Variants in MPZL2 observed in about 807,000 individuals in gnomAD.
MPZL2 encodes myelin protein zero like 2, also known as myelin protein zero-like protein 2.
Under a neutral mutation model 24.5 loss-of-function variants are expected in MPZL2, and 32 were observed. That is an observed-to-expected ratio of 1.31 (90% CI 0.99 to 1.76). The LOEUF (loss-of-function observed/expected upper bound fraction) is 1.76. Ranked by LOEUF, MPZL2 falls within the 40% of genes most tolerant of loss-of-function variation. MPZL2 has a pLI of 0.00. For synonymous variants in MPZL2, 92 were observed against 97.9 expected (o/e 0.94, Z 0.36); for missense variants, 304 against 274.9 (o/e 1.11, Z -0.75).
At chr11:118,259,010 AT>A (rs139129059) in intron 4 of MPZL2, among the ~76,000 whole-genome samples, 20,365 of 132,018 alleles carry the variant, frequency 0.15, 4,266 homozygotes, top group African/African-American at 0.5. Context: ...CACGGTTATG[AT>A]TAAAAAAAAA....
At chr11:118,260,518 C>A (rs917931639) in intron 3 of MPZL2, among the ~76,000 whole-genome samples, 1 of 152,168 alleles carries the variant, frequency 6.6e-6, no homozygotes, top group African/African-American at 2.4e-5. Flanking sequence ...CTTAACAGGT[C>A]CTCCAGGTGA....
In MPZL2 at chr11:118,262,351, C is replaced by T. The variant is rs1949705520; in HGVS notation, c.436+87G>A. On this transcript the variant is annotated intron_variant, in intron 3 of 5. Coordinates refer to ENST00000278937, the MANE Select transcript of MPZL2 (RefSeq NM_005797.4). ...TCTCTATCCATCACAAAAGATTGTCCCTCTCTCTCAGCCTTAACAAAGATT... is the reference window on the plus strand; with the variant it reads ...TCTCTATCCATCACAAAAGATTGTCTCTCTCTCTCAGCCTTAACAAAGATT... 2.2e-6 allele frequency: 3 copies of T among 1,365,578 alleles called. No individual in the cohort carries two copies. The Admixed American group carries it at 5.4e-5, about 25-fold the overall frequency. 84.6% of individuals were successfully genotyped at this position (1,365,578 alleles called of 1,614,324 possible). A position where few individuals can be genotyped will look rare whatever the true frequency, so the allele number is the denominator to read the frequency against.
chr11:118,263,459 T>C (rs1297347348), intron 1 of MPZL2, among the ~76,000 whole-genome samples: 1 of 152,250 alleles, frequency 6.6e-6, no homozygotes, highest in Admixed American at 6.5e-5. Context: ...ATAACATTGA[T>C]TAGACATTAC....
chr11:118,260,249 A>G, intron 3 of MPZL2, 48 bp from the exon 4 acceptor site: 1 of 1,583,368 alleles, frequency 6.3e-7, no homozygotes, highest in Non-Finnish European at 8.6e-7. Flanking sequence ...GAAGAGGACT[A>G]CAATGAAATC....
intron 5 of MPZL2, among the ~76,000 whole-genome samples, chr11:118,256,474 AC>A (rs995705349): frequency 6.6e-6 from 1 of 151,954 alleles, no homozygotes; most frequent in Admixed American, 6.6e-5. Context: ...ACATGGGGAA[AC>A]CCCGTCTCTA....
chr11:118,262,857 G>A, intron 2 of MPZL2, 74 bp downstream of exon 2: 1 of 1,530,444 alleles, frequency 6.5e-7, no homozygotes, highest in Non-Finnish European at 8.9e-7. Flanking sequence ...AATACTGGAA[G>A]GGAAAGGAGA....
chr11:118,261,282 C>T (rs958437950), intron 3 of MPZL2, among the ~76,000 whole-genome samples: 4 of 152,132 alleles, frequency 2.6e-5, no homozygotes, highest in Non-Finnish European at 5.9e-5. Context: ...GAAAGGAAAT[C>T]GTACCACTGC....
At chr11:118,259,068 T>A (rs1400451281) in intron 4 of MPZL2, among the ~76,000 whole-genome samples, 1 of 149,306 alleles carries the variant, frequency 6.7e-6, no homozygotes, top group Non-Finnish European at 1.5e-5. Flanking sequence ...AGAACCCTCA[T>A]ATATTGCTGA....
chr11:118,264,106 T>TATGCCAA lies in MPZL2; in HGVS notation c.41_47dup (p.Gln17TrpfsTer25), dbSNP rs1949722198. On this transcript the variant is annotated frameshift_variant, in exon 1 of 6. Coordinates refer to ENST00000278937, the MANE Select transcript of MPZL2 (RefSeq NM_005797.4). LOFTEE classifies it high-confidence loss of function. ...CCCGCCGGCTCTTACCTGTGAGCTG[T>TATGCCAA]ATGCCAAGGAGAAGAAGCACCGCAC... 1.2e-6 allele frequency: 2 copies of TATGCCAA among 1,613,954 alleles called. No individual in the cohort carries two copies. Among genetic ancestry groups the TATGCCAA allele is most frequent in the South Asian group, 2.2e-5 (2 of 91,078 alleles).
Position 118,254,349 on chromosome 11 carries a change from G to A in MPZL2, c.*897C>T, listed in dbSNP as rs984146029. 6.6e-5 allele frequency: 10 copies of A among 152,034 alleles called. No individual in the cohort carries two copies. Among genetic ancestry groups the A allele is most frequent in the Non-Finnish European group, 1.2e-4 (8 of 67,980 alleles). 9.4% of individuals were successfully genotyped at this position (152,034 alleles called of 1,614,324 possible). ...CCCTGAATTTTCAAACTTGTAATAT[G>A]CTGTTTCACAATTTTTTTATTAAAT... On this transcript the variant is annotated 3_prime_UTR_variant, in exon 6 of 6. Coordinates refer to ENST00000278937, the MANE Select transcript of MPZL2 (RefSeq NM_005797.4).
At chr11:118,261,017 A>G (rs919428555) in intron 3 of MPZL2, among the ~76,000 whole-genome samples, 1 of 152,194 alleles carries the variant, frequency 6.6e-6, no homozygotes, top group African/African-American at 2.4e-5. Flanking sequence ...ACAGAATCCA[A>G]GTCTCATTTT....
Position 118,263,061 on chromosome 11 carries a change from G to T in MPZL2, c.95C>A (p.Ser32Tyr). The T allele has an allele frequency of 1.2e-6, 2 of 1,614,144 alleles. No homozygotes were observed. The highest frequency in any genetic ancestry group is 1.7e-6 in the Non-Finnish European group (2 of 1,180,016). ...CCCATTAACAGCCTCCAGCACCCGG[G>T]AGGTATAAATTTCCACAGCTGCTAT... ...WPIAAVEIYTSRVLEAVNGTD... is the reference protein window; with the variant it reads ...WPIAAVEIYTYRVLEAVNGTD... The change falls in exon 2 of 6, where the codon TCC (serine) becomes TAC (tyrosine). Residue 32 changes from serine (S) to tyrosine (Y), a missense_variant. Transcript: ENST00000278937.
In MPZL2 at chr11:118,254,094, T is replaced by C. The variant is rs1337849498; in HGVS notation, c.*1152A>G. On this transcript the variant is annotated 3_prime_UTR_variant, in exon 6 of 6. Coordinates refer to ENST00000278937, the MANE Select transcript of MPZL2 (RefSeq NM_005797.4). ...AACTTTTCTTTCAATAGCCCACTTA[T>C]AAAGTTTGCTTTATCTACCAGTATG... 6.6e-6 allele frequency: 1 copy of C among 152,402 alleles called. No individual in the cohort carries two copies. Among genetic ancestry groups the C allele is most frequent in the African/African-American group, 2.4e-5 (1 of 41,460 alleles). 9.4% of individuals were successfully genotyped at this position (152,402 alleles called of 1,614,324 possible).
At chr11:118,260,888 T>TTA (rs1949696038) in intron 3 of MPZL2, among the ~76,000 whole-genome samples, 1 of 152,144 alleles carries the variant, frequency 6.6e-6, no homozygotes, top group Non-Finnish European at 1.5e-5. Flanking sequence ...TTATTTCTGA[T>TTA]TATACTTCCA....
chr11:118,263,265 A>G (rs1205538052), intron 1 of MPZL2, 168 bp from the exon 2 acceptor site: 6 of 666,450 alleles, frequency 9.0e-6, no homozygotes, highest in African/African-American at 3.6e-5. Context: ...TCCTACCTGT[A>G]TGCAGCCTGG....
chr11:118,263,985 T>G (rs1317373507), intron 1 of MPZL2, 111 bp downstream of exon 1: 1 of 1,141,850 alleles, frequency 8.8e-7, no homozygotes, highest in Non-Finnish European at 1.3e-6. Flanking sequence ...ACAAACTGTA[T>G]CTGTGGCTCA....
At chr11:118,257,161 T>C (rs1425236337) in intron 5 of MPZL2, 77 bp downstream of exon 5, 2 of 1,040,628 alleles carry the variant, frequency 1.9e-6, no homozygotes, top group Non-Finnish European at 2.9e-6. Flanking sequence ...AAAGTGATGA[T>C]CTGGGAGTCC....
At chr11:118,262,699 A>G (rs1949709399) in intron 2 of MPZL2, 51 bp from the exon 3 acceptor site, 1 of 1,570,080 alleles carries the variant, frequency 6.4e-7, no homozygotes. Context: ...CCAGGCAAGG[A>G]GGCCAAGATG....
intron 4 of MPZL2, among the ~76,000 whole-genome samples, chr11:118,258,118 G>A (rs1218367893): frequency 1.3e-5 from 2 of 152,006 alleles, no homozygotes; most frequent in East Asian, 3.8e-4. Context: ...TTGGACTTCT[G>A]CCTCAGCCAT....
Sources: allele counts gnomAD v4.1 joint callset (sites outside exome capture counted in the v4.1 genomes callset), GRCh38; gene constraint gnomAD v4.1.1; transcripts MANE v1.5; gene names NCBI Gene and HGNC (gene_info 2026-07-23, HGNC 2026-07-21).